The following BCAR3 variants were observed in gnomAD, a reference collection of about 807,000 sequenced individuals.
The protein encoded by BCAR3 is BCAR3 adaptor protein, NSP family member, also known as breast cancer anti-estrogen resistance protein 3.
A neutral mutation model predicts 80.1 loss-of-function variants in BCAR3; 37 were observed. The observed-to-expected ratio is 0.46, with a 90% CI of 0.36 to 0.61. BCAR3 has a LOEUF of 0.61. Ranked by LOEUF, BCAR3 falls within the 20% of genes least tolerant of loss-of-function variation. The probability of loss-of-function intolerance (pLI) is 0.00; values close to 1 mark genes in which losing one functional copy is unlikely to be tolerated. For synonymous variants in BCAR3, 389 were observed against 418.9 expected (o/e 0.93, Z 0.87); for missense variants, 978 against 1,068.2 (o/e 0.92, Z 1.18).
chr1:93,597,001 C>G (rs1430632163), intron 3 of BCAR3, among the ~76,000 whole-genome samples: 1 of 152,186 alleles, frequency 6.6e-6, no homozygotes, highest in Non-Finnish European at 1.5e-5. Context: ...CTACCTACAA[C>G]CATGATGAGA....
At chr1:93,680,108 T>G (rs1408001450) in intron 1 of BCAR3, among the ~76,000 whole-genome samples, 1 of 152,230 alleles carries the variant, frequency 6.6e-6, no homozygotes, top group East Asian at 1.9e-4. Context: ...AGTATCTCTT[T>G]ATTTTTGAAG....
chr1:93,646,873 A>G (rs1676161354), intron 2 of BCAR3, among the ~76,000 whole-genome samples: 1 of 152,210 alleles, frequency 6.6e-6, no homozygotes, highest in African/African-American at 2.4e-5. Flanking sequence ...AAGGAAAATA[A>G]CTTTAAATAT....
At chr1:93,607,329 C>A (rs1034442126) in intron 3 of BCAR3, among the ~76,000 whole-genome samples, 2 of 152,086 alleles carry the variant, frequency 1.3e-5, no homozygotes, top group African/African-American at 2.4e-5. Flanking sequence ...GGGTTTTTAA[C>A]ATGGGAAAGA....
chr1:93,573,634 T>TTATTA (rs373686928), intron 8 of BCAR3, among the ~76,000 whole-genome samples: 2 of 112,370 alleles, frequency 1.8e-5, no homozygotes, highest in African/African-American at 7.8e-5. Context: ...ATTATTATTA[T>TTATTA]TTTTTTTTTT....
At chr1:93,587,198 ATAT>A (rs1365866359) in intron 5 of BCAR3, among the ~76,000 whole-genome samples, 2 of 151,976 alleles carry the variant, frequency 1.3e-5, no homozygotes, top group African/African-American at 4.8e-5. Context: ...ATTAATTTTC[ATAT>A]TTTTTGTAGA....
chr1:93,589,083 CCCGGGCCTGGCCTG>C lies in BCAR3; in HGVS notation c.809_822del (p.Pro270ArgfsTer43). On this transcript the variant is annotated frameshift_variant, in exon 5 of 12. Transcript: ENST00000260502. LOFTEE classifies it high-confidence loss of function. ...GGCCTTCCCTTGGTGAGGCTGCCCT[CCCGGGCCTGGCCTG>C]GGGAGGTGCCATAATGCTCCTCCAG... 6.2e-7 allele frequency: 1 copy of C among 1,612,576 alleles called. No individual in the cohort carries two copies. Among genetic ancestry groups the C allele is most frequent in the Non-Finnish European group, 8.5e-7 (1 of 1,179,224 alleles).
At chr1:93,621,090 G>A (rs1675293613) in intron 3 of BCAR3, among the ~76,000 whole-genome samples, 1 of 152,256 alleles carries the variant, frequency 6.6e-6, no homozygotes, top group South Asian at 2.1e-4. Flanking sequence ...CCAGGTGAGA[G>A]GTGGAGTCAG....
intron 2 of BCAR3, among the ~76,000 whole-genome samples, chr1:93,721,725 G>A (rs934783750): frequency 1.3e-5 from 2 of 152,224 alleles, no homozygotes; most frequent in Non-Finnish European, 2.9e-5. Flanking sequence ...AATGGGAGCT[G>A]TTCTTTCTGA....
chr1:93,648,031 C>T (rs900292887), intron 2 of BCAR3, among the ~76,000 whole-genome samples: 6 of 152,148 alleles, frequency 3.9e-5, no homozygotes, highest in Non-Finnish European at 7.4e-5. Context: ...ACCTCGGCCT[C>T]CCAAAGTGCT....
intron 3 of BCAR3, among the ~76,000 whole-genome samples, chr1:93,595,989 C>T (rs986191157): frequency 2.0e-5 from 3 of 152,204 alleles, no homozygotes; most frequent in African/African-American, 7.2e-5. Flanking sequence ...CTATTCATGG[C>T]ATAGGCTAGT....
chr1:93,697,893 G>T (rs1428255729), intron 3 of BCAR3, among the ~76,000 whole-genome samples: 1 of 152,150 alleles, frequency 6.6e-6, no homozygotes, highest in African/African-American at 2.4e-5. Flanking sequence ...CAGGAGAATC[G>T]CTTGAACCCA....
chr1:93,719,849 T>C (rs1050682676), intron 2 of BCAR3, among the ~76,000 whole-genome samples: 2 of 152,214 alleles, frequency 1.3e-5, no homozygotes, highest in African/African-American at 4.8e-5. Context: ...GGTCCCTTGA[T>C]GCATGAAGAT....
intron 2 of BCAR3, among the ~76,000 whole-genome samples, chr1:93,823,862 G>C (rs1401005543): frequency 7.5e-6 from 1 of 133,376 alleles, no homozygotes; most frequent in Non-Finnish European, 1.7e-5. Flanking sequence ...ACCACGCCCA[G>C]CTAATTTTTA....
Position 93,592,420 on chromosome 1 carries a change from C to A in BCAR3, c.358-27G>T. On this transcript the variant is annotated intron_variant, in intron 3 of 11. Transcript: ENST00000260502. The surrounding 1 kb of genome is among the most constrained non-coding windows in gnomAD (Gnocchi z 4.8). ...TGCAACACAGAGTCAACCATGAGCTCACCCTGCCCAGGCCACACCAGGCCA... is the reference window on the plus strand; with the variant it reads ...TGCAACACAGAGTCAACCATGAGCTAACCCTGCCCAGGCCACACCAGGCCA... The A allele has an allele frequency of 6.4e-7, 1 of 1,571,206 alleles. No individual in the cohort carries two copies. The highest frequency in any genetic ancestry group is 8.6e-7 in the Non-Finnish European group (1 of 1,166,064).
At chr1:93,698,448 G>C (rs1224653557) in intron 3 of BCAR3, among the ~76,000 whole-genome samples, 3 of 152,192 alleles carry the variant, frequency 2.0e-5, no homozygotes, top group Non-Finnish European at 4.4e-5. Flanking sequence ...ACCTTACTGG[G>C]TGGGGGCTTA....
intron 3 of BCAR3, among the ~76,000 whole-genome samples, chr1:93,704,010 T>G (rs1392180211): frequency 6.6e-6 from 1 of 152,262 alleles, no homozygotes; most frequent in Non-Finnish European, 1.5e-5. Flanking sequence ...ACTAGCCACA[T>G]TTCAGGTGCT....
rs1025532734 is a variant in BCAR3, at chr1:93,667,177, G to A, written c.317+7437C>T. 7.9e-5 allele frequency among the ~76,000 whole-genome samples: 12 copies of A among 152,332 alleles called. No homozygotes were observed. The East Asian group carries it at 1.2e-3, about 15-fold the overall frequency. The stretch of plus-strand genomic sequence containing the variant: ...GGCTTTCTTTGATAGCCACGGCTAC[G>A]TCGACATCCCAGCAAGGGCCTCAGT... On this transcript the variant is annotated intron_variant, in intron 2 of 11. Transcript: ENST00000260502.
intron 2 of BCAR3, among the ~76,000 whole-genome samples, chr1:93,740,035 C>CAAA (rs550746243): frequency 7.4e-5 from 7 of 94,144 alleles, no homozygotes; most frequent in Non-Finnish European, 1.2e-4. Flanking sequence ...AACTCCGTCT[C>CAAA]AAAAAAAAAA....
At chr1:93,590,234 G>A (rs769199836) in intron 4 of BCAR3, 4 of 152,212 alleles carry the variant, frequency 2.6e-5, no homozygotes, top group Non-Finnish European at 4.4e-5. Flanking sequence ...TAACAAGCAT[G>A]ATGCTGCTGC....
Sources: allele counts gnomAD v4.1 joint callset (sites outside exome capture counted in the v4.1 genomes callset), GRCh38; gene constraint gnomAD v4.1.1; non-coding constraint Gnocchi (gnomAD v3.1); transcripts MANE v1.5; gene names NCBI Gene and HGNC (gene_info 2026-07-23, HGNC 2026-07-21).